NBEAL1: variants seen among roughly 807,000 people sequenced by gnomAD.
NBEAL1 encodes the protein neurobeachin like 1, also known as neurobeachin-like protein 1.
Under a neutral mutation model 351.3 loss-of-function variants are expected in NBEAL1, and 273 were observed. The ratio of observed to expected loss-of-function variants is 0.78; its 90% CI spans 0.70 to 0.86. NBEAL1 has a LOEUF of 0.86. Among genes scored for constraint, NBEAL1 ranks in the 40% least tolerant of loss-of-function variants. The pLI, the probability that NBEAL1 is intolerant of heterozygous loss-of-function variation, is 0.00. For missense variants in NBEAL1, 2,961 were observed against 3,201.3 expected (o/e 0.92, Z 1.81); for synonymous variants, 1,050 against 1,086.4 (o/e 0.97, Z 0.66).
intron 2 of NBEAL1, among the ~76,000 whole-genome samples, chr2:203,038,531 A>G (rs969189523): frequency 6.7e-6 from 1 of 148,920 alleles, no homozygotes; most frequent in African/African-American, 2.4e-5. Flanking sequence ...CTTTTTGCCC[A>G]TTTTTAAATC....
chr2:203,101,064 G>C (rs1461667608), intron 12 of NBEAL1, among the ~76,000 whole-genome samples: 3 of 152,024 alleles, frequency 2.0e-5, no homozygotes, highest in Non-Finnish European at 4.4e-5. Flanking sequence ...AGTTTAATTT[G>C]GTCCCATTTG....
chr2:203,130,507 T>G, intron 25 of NBEAL1, 31 bp downstream of exon 25: 1 of 1,361,372 alleles, frequency 7.3e-7, no homozygotes, highest in South Asian at 2.0e-5. Flanking sequence ...TCTTTGTATT[T>G]TGAGGCGTTT....
In NBEAL1 at chr2:203,188,462, C is replaced by T. The variant is rs756158108; in HGVS notation, c.6706-10C>T. ...CTCTATATTAATTATTAAATTTATTCTTTTTCTAGGAGTCTGAATATGTTT... is the reference window on the plus strand; with the variant it reads ...CTCTATATTAATTATTAAATTTATTTTTTTTCTAGGAGTCTGAATATGTTT... On this transcript the variant is annotated splice_polypyrimidine_tract_variant and intron_variant, in intron 44 of 55. Coordinates refer to ENST00000683969, the MANE Select transcript of NBEAL1 (RefSeq NM_001378026.1). 7.0e-7 allele frequency: 1 copy of T among 1,434,314 alleles called. No homozygotes were observed. The highest frequency in any genetic ancestry group is 1.4e-5 in the African/African-American group (1 of 70,128). 88.8% of individuals were successfully genotyped at this position (1,434,314 alleles called of 1,614,324 possible).
chr2:203,122,226 G>A, intron 18 of NBEAL1, 28 bp from the exon 19 acceptor site: 2 of 1,292,100 alleles, frequency 1.5e-6, no homozygotes, highest in Non-Finnish European at 2.1e-6. Context: ...CTAATTGGTT[G>A]TTTGCCATAT....
chr2:203,182,230 T>G (rs974299105), intron 43 of NBEAL1: 1 of 152,184 alleles, frequency 6.6e-6, no homozygotes. Context: ...AGCGCCAACT[T>G]TTTTTCTGTA....
At chr2:203,143,636 C>A (rs2063436979) in intron 31 of NBEAL1, among the ~76,000 whole-genome samples, 1 of 152,172 alleles carries the variant, frequency 6.6e-6, no homozygotes, top group Non-Finnish European at 1.5e-5. Context: ...GGGCTGTATG[C>A]TACTTCTTTC....
chr2:203,057,475 G>A (rs1440132874), intron 6 of NBEAL1, 22 bp downstream of exon 6: 20 of 1,528,332 alleles, frequency 1.3e-5, no homozygotes, highest in African/African-American at 1.4e-5. Context: ...AAATAATAAC[G>A]TTCATTTAAA....
chr2:203,058,794 C>T (rs2061448614), intron 6 of NBEAL1, among the ~76,000 whole-genome samples: 1 of 152,154 alleles, frequency 6.6e-6, no homozygotes, highest in Non-Finnish European at 1.5e-5. Context: ...TTGCATGATG[C>T]CTGCCGCAGC....
At position 203,056,895 on chromosome 2, in the gene NBEAL1, T is replaced by C. The variant is rs1055163561; in HGVS notation, c.387+387T>C. ...ACTATTTTTTATATTATAGTTAGTA[T>C]AGTTAAATATTTTCAGACGAGGTAA... On this transcript the variant is annotated intron_variant, in intron 5 of 55. Transcript: ENST00000683969. 9.2e-5 allele frequency among the ~76,000 whole-genome samples: 14 copies of C among 152,302 alleles called. No individual in the cohort carries two copies. In the East Asian group the frequency reaches 9.6e-4, roughly 10 times the overall value.
intron 49 of NBEAL1, 96 bp from the exon 50 acceptor site, chr2:203,201,447 T>A: frequency 9.3e-7 from 1 of 1,073,604 alleles, no homozygotes; most frequent in South Asian, 3.4e-5. Flanking sequence ...TTGGGACTAA[T>A]TTTTTATTTC....
At chr2:203,181,751 G>A (rs2064724531) in intron 43 of NBEAL1, 1 of 152,168 alleles carries the variant, frequency 6.6e-6, no homozygotes, top group South Asian at 2.1e-4. Context: ...GGAACAAGCT[G>A]TTGGAGGCAG....
chr2:203,107,803 A>G lies in NBEAL1; in HGVS notation c.1564A>G (p.Ile522Val). ...TCVNANMGIRIIETLDLHSSL... is the reference protein window; with the variant it reads ...TCVNANMGIRVIETLDLHSSL... ...TGTCAATGCAAACATGGGGATTAGA[A>G]TCATTGAAACCCTTGACTTGCATTC... The change falls in exon 14 of 56, where the codon ATC becomes GTC. Residue 522 changes from isoleucine (I) to valine (V), a missense_variant. By Grantham distance (29) the Ile-to-Val change is conservative (BLOSUM62 3). Transcript: ENST00000683969. 2 of 1,554,578 alleles carry G rather than the reference A, an allele frequency of 1.3e-6. No homozygotes were observed. Among genetic ancestry groups the G allele is most frequent in the Non-Finnish European group, 1.7e-6 (2 of 1,147,778 alleles).
At chr2:203,058,058 G>T (rs2061434721) in intron 6 of NBEAL1, among the ~76,000 whole-genome samples, 1 of 151,804 alleles carries the variant, frequency 6.6e-6, no homozygotes, top group African/African-American at 2.4e-5. Flanking sequence ...TGACCAGGAT[G>T]GTCTCGATCT....
At chr2:203,143,761 A>G (rs1220354929) in intron 31 of NBEAL1, among the ~76,000 whole-genome samples, 4 of 152,122 alleles carry the variant, frequency 2.6e-5, no homozygotes, top group Non-Finnish European at 5.9e-5. Context: ...TTTGTTATGA[A>G]CTAGATTTTT....
chr2:203,101,721 A>G (rs938845638), intron 12 of NBEAL1, among the ~76,000 whole-genome samples: 3 of 152,024 alleles, frequency 2.0e-5, no homozygotes, highest in East Asian at 3.9e-4. Context: ...TCAGCTTCCC[A>G]AGTAGCTGGG....
chr2:203,146,679 A>C (rs1341505945), intron 33 of NBEAL1, among the ~76,000 whole-genome samples: 1 of 152,010 alleles, frequency 6.6e-6, no homozygotes, highest in South Asian at 2.1e-4. Flanking sequence ...TGTAGTCCCA[A>C]CTACTGAGGA....
intron 4 of NBEAL1, among the ~76,000 whole-genome samples, chr2:203,050,397 T>G (rs1338311676): frequency 6.6e-6 from 1 of 152,194 alleles, no homozygotes; most frequent in Non-Finnish European, 1.5e-5. Context: ...TTTGTTAGTA[T>G]GTTGGAAATC....
rs1370664010 is a variant in NBEAL1 at position 203,221,815 on chromosome 2, G to C, written c.*4461G>C. On this transcript the variant is annotated 3_prime_UTR_variant, in exon 56 of 56. Coordinates refer to ENST00000683969, the MANE Select transcript of NBEAL1 (RefSeq NM_001378026.1). The stretch of plus-strand genomic sequence containing the variant: ...ATCAGAGTCATGTGGTATTTTTCTT[G>C]ATGACCTTAGGCAACAATATAGTGT... Among the ~76,000 whole-genome samples the C allele has an allele frequency of 6.6e-6, 1 of 152,062 alleles. No homozygotes were observed. The highest frequency in any genetic ancestry group is 1.5e-5 in the Non-Finnish European group (1 of 68,012).
At chr2:203,124,134 T>G (rs750856628) in intron 19 of NBEAL1, among the ~76,000 whole-genome samples, 8 of 152,124 alleles carry the variant, frequency 5.3e-5, no homozygotes, top group Non-Finnish European at 8.8e-5. Context: ...CTCAAGAGTT[T>G]GAGACCAGCC....
Sources: allele counts gnomAD v4.1 joint callset (sites outside exome capture counted in the v4.1 genomes callset), GRCh38; gene constraint gnomAD v4.1.1; transcripts MANE v1.5; gene names NCBI Gene and HGNC (gene_info 2026-07-23, HGNC 2026-07-21).